ZNF98: variants seen among roughly 807,000 people sequenced by gnomAD.
ZNF98 encodes zinc finger protein 98, also known as zinc finger protein 739.
In ZNF98, 8 loss-of-function variants were observed where a neutral mutation model predicts 12.8. The observed-to-expected ratio is 0.63, with a 90% CI of 0.37 to 1.13. The LOEUF is 1.13. Among genes scored for constraint, ZNF98 ranks in the 50% most tolerant of loss-of-function variants. The pLI, the probability that ZNF98 is intolerant of heterozygous loss-of-function variation, is 0.01. For synonymous variants in ZNF98, 112 were observed against 223.5 expected (o/e 0.50, Z 4.45); for missense variants, 379 against 666.1 (o/e 0.57, Z 4.74).
chr19:22,400,131 T>A (rs536109969), intron 3 of ZNF98, among the ~76,000 whole-genome samples: 2 of 152,196 alleles, frequency 1.3e-5, no homozygotes, highest in South Asian at 2.1e-4. Context: ...CCTGCAATCA[T>A]CCCAAACTCC....
chr19:22,396,120 C>A (rs2145108712), intron 3 of ZNF98, among the ~76,000 whole-genome samples: 1 of 151,958 alleles, frequency 6.6e-6, no homozygotes, highest in East Asian at 1.9e-4. Flanking sequence ...AAAACAGAAT[C>A]TTGTGGCATT....
chr19:22,392,706 T>G lies in ZNF98; in HGVS notation c.529A>C (p.Thr177Pro), dbSNP rs760432454. ...SNSNRHKIGH[T>P]GKKSFKCKEC... ...TTACACTTGAAAGATTTCTTTCCAG[T>G]ATGTCCTATCTTATGTCTGTTTGAA... is the stretch of plus-strand genomic sequence containing the variant. The change falls in exon 4 of 4, where the codon ACT becomes CCT. Residue 177 changes from threonine (T) to proline (P), a missense_variant. Physicochemically the swap from Thr to Pro is conservative, Grantham distance 38 (BLOSUM62 -1). This residue lies in a region of ZNF98 where 223 missense variants were observed against 261.6 expected (regional missense o/e 0.85). Coordinates refer to ENST00000357774, the MANE Select transcript of ZNF98 (RefSeq NM_001098626.2). The G allele has an allele frequency of 6.2e-7, 1 of 1,603,432 alleles. No homozygotes were observed. Among genetic ancestry groups the G allele is most frequent in the South Asian group, 1.1e-5 (1 of 90,334 alleles).
intron 1 of ZNF98, among the ~76,000 whole-genome samples, chr19:22,421,795 G>A (rs1969707125): frequency 6.6e-6 from 1 of 152,032 alleles, no homozygotes. Flanking sequence ...TTTTTAATAG[G>A]CGAAAAGAGG....
intron 1 of ZNF98, among the ~76,000 whole-genome samples, chr19:22,417,471 T>C (rs1301491802): frequency 6.6e-6 from 1 of 151,850 alleles, no homozygotes; most frequent in African/African-American, 2.4e-5. Context: ...GAACCAAAAA[T>C]AAAAGTTAAA....
chr19:22,409,199 CTGTT>C (rs1969554169), intron 1 of ZNF98, among the ~76,000 whole-genome samples: 2 of 152,140 alleles, frequency 1.3e-5, no homozygotes. Flanking sequence ...AAAGGATTTT[CTGTT>C]CAATAAATGG....
intron 1 of ZNF98, among the ~76,000 whole-genome samples, chr19:22,409,144 C>A (rs564413551): frequency 3.3e-5 from 5 of 152,238 alleles, no homozygotes; most frequent in South Asian, 4.1e-4. Context: ...CACACATCTA[C>A]AACCATCTGA....
At chr19:22,416,417 C>T (rs1447469340) in intron 1 of ZNF98, among the ~76,000 whole-genome samples, 2 of 152,010 alleles carry the variant, frequency 1.3e-5, no homozygotes, top group East Asian at 1.9e-4. Flanking sequence ...TTGCAGTAAC[C>T]GAGATCGCGC....
intron 1 of ZNF98, among the ~76,000 whole-genome samples, chr19:22,408,322 A>T (rs758304336): frequency 7.9e-5 from 12 of 152,166 alleles, no homozygotes; most frequent in Admixed American, 3.3e-4. Context: ...TTTATGACAA[A>T]CCCACAGTCA....
intron 3 of ZNF98, among the ~76,000 whole-genome samples, chr19:22,393,389 T>C (rs1373466142): frequency 6.6e-6 from 1 of 152,210 alleles, no homozygotes; most frequent in Admixed American, 6.5e-5. Context: ...CACTGGTTCC[T>C]GTGTCTCATT....
At chr19:22,400,129 C>G (rs1311322580) in intron 3 of ZNF98, among the ~76,000 whole-genome samples, 1 of 152,200 alleles carries the variant, frequency 6.6e-6, no homozygotes, top group African/African-American at 2.4e-5. Context: ...ACCCTGCAAT[C>G]ATCCCAAACT....
intron 1 of ZNF98, among the ~76,000 whole-genome samples, chr19:22,410,915 A>G (rs1969573689): frequency 2.0e-5 from 3 of 152,212 alleles, no homozygotes; most frequent in African/African-American, 7.2e-5. Flanking sequence ...TTGTCACAAC[A>G]CAATTACTTC....
chr19:22,398,690 A>G (rs1268961724), intron 3 of ZNF98, among the ~76,000 whole-genome samples: 1 of 151,336 alleles, frequency 6.6e-6, no homozygotes, highest in Admixed American at 6.6e-5. Context: ...AAGATGGTAA[A>G]TTTTAGGTTA....
intron 3 of ZNF98, among the ~76,000 whole-genome samples, chr19:22,399,920 C>T (rs574098407): frequency 2.0e-5 from 3 of 152,282 alleles, no homozygotes; most frequent in East Asian, 3.9e-4. Flanking sequence ...GTAGCAAGAA[C>T]CCATCTCCAA....
At chr19:22,406,711 G>A (rs1245480502) in intron 1 of ZNF98, among the ~76,000 whole-genome samples, 6 of 151,962 alleles carry the variant, frequency 3.9e-5, no homozygotes, top group African/African-American at 7.2e-5. Context: ...CAGTTACTTG[G>A]GAGGCCGAGG....
chr19:22,397,131 C>CA (rs59004830), intron 3 of ZNF98, among the ~76,000 whole-genome samples: 114,129 of 148,658 alleles, frequency 0.77, 45,636 homozygotes, highest in East Asian at 0.91. Context: ...AAAAAAACAA[C>CA]AAAAAAAAAC....
chr19:22,417,185 C>T (rs1969653399), intron 1 of ZNF98, among the ~76,000 whole-genome samples: 2 of 136,030 alleles, frequency 1.5e-5, no homozygotes, highest in Admixed American at 8.1e-5. Context: ...GCCAAGATCG[C>T]GCCATCGCAC....
intron 1 of ZNF98, among the ~76,000 whole-genome samples, chr19:22,413,124 C>A (rs1969599885): frequency 6.6e-6 from 1 of 151,604 alleles, no homozygotes; most frequent in Admixed American, 6.6e-5. Flanking sequence ...AACCCACAGA[C>A]AACATACTGA....
At chr19:22,402,175 C>CAAAAAAAAAAAAA (rs869111485) in intron 3 of ZNF98, among the ~76,000 whole-genome samples, 12 of 60,510 alleles carry the variant, frequency 2.0e-4, no homozygotes, top group African/African-American at 5.1e-4. Flanking sequence ...GACTCCATCT[C>CAAAAAAAAAAAAA]AAAAAAAAAA....
chr19:22,414,225 T>A (rs1418186561), intron 1 of ZNF98, among the ~76,000 whole-genome samples: 1 of 91,042 alleles, frequency 1.1e-5, no homozygotes, highest in Admixed American at 1.4e-4. Flanking sequence ...AGAGCAAGAC[T>A]CCATCTCAAA....
Sources: gnomAD v4.1 joint callset for allele counts (sites outside exome capture counted in the v4.1 genomes callset) on GRCh38, gnomAD v4.1.1 for gene constraint, gnomAD v4.1.1 regional missense constraint, MANE v1.5 for transcripts, NCBI Gene and HGNC (gene_info 2026-07-23, HGNC 2026-07-21) for gene names.